INSYN2B: variants seen among roughly 807,000 people sequenced by gnomAD.
INSYN2B encodes protein INSYN2B.
Under a neutral mutation model 41.2 loss-of-function variants are expected in INSYN2B, and 16 were observed. The observed-to-expected ratio is 0.39, with a 90% CI of 0.26 to 0.59. The LOEUF (loss-of-function observed/expected upper bound fraction) is 0.59. INSYN2B is among the 20% of genes least tolerant of loss of function. The pLI is 0.57. For missense variants in INSYN2B, 608 were observed against 646.4 expected (o/e 0.94, Z 0.64); for synonymous variants, 245 against 244.4 (o/e 1.00, Z -0.02).
At chr5:169,970,961 G>A (rs1329484469) in intron 1 of INSYN2B, among the ~76,000 whole-genome samples, 1 of 152,092 alleles carries the variant, frequency 6.6e-6, no homozygotes, top group African/African-American at 2.4e-5. Flanking sequence ...CAGTCAGGGA[G>A]CCATCCTCTC....
At chr5:169,876,049 C>T (rs1472868576) in intron 3 of INSYN2B, among the ~76,000 whole-genome samples, 3 of 152,178 alleles carry the variant, frequency 2.0e-5, no homozygotes, top group Admixed American at 2.0e-4. Context: ...GAAAACATCC[C>T]TTGCCTTCTC....
chr5:169,910,622 G>T (rs941956624), intron 1 of INSYN2B, among the ~76,000 whole-genome samples: 7 of 152,290 alleles, frequency 4.6e-5, no homozygotes, highest in South Asian at 2.1e-4. Context: ...GATATGTCAT[G>T]TTCACAGCAG....
intron 1 of INSYN2B, among the ~76,000 whole-genome samples, chr5:169,963,710 T>C (rs1408673092): frequency 6.6e-6 from 1 of 152,148 alleles, no homozygotes; most frequent in African/African-American, 2.4e-5. Flanking sequence ...CCTCAGTTTC[T>C]GCCTCTTCCT....
intron 1 of INSYN2B, among the ~76,000 whole-genome samples, chr5:169,961,747 G>A (rs548936663): frequency 6.6e-6 from 1 of 152,222 alleles, no homozygotes; most frequent in African/African-American, 2.4e-5. Context: ...GGAGGCCGAG[G>A]TGGGCAGATT....
Position 169,883,426 on chromosome 5 carries a change from T to G in INSYN2B, c.473A>C (p.Glu158Ala). Reference sequence around the variant, plus strand: ...CACCTTGACCCTTCGAGGCCCATCCTCAAGATGCTGAGCCAACCTTAAGTA... The same window carrying G: ...CACCTTGACCCTTCGAGGCCCATCCGCAAGATGCTGAGCCAACCTTAAGTA... ...LAYLRLAQHL[E>A]DGPRRVKVSH... The change falls in exon 2 of 4, where the codon GAG becomes GCG. Residue 158 changes from glutamate (E) to alanine (A), a missense_variant. Physicochemically the swap from Glu to Ala is moderately radical, Grantham distance 107. Coordinates refer to ENST00000377365, the MANE Select transcript of INSYN2B (RefSeq NM_001129891.3). 6.4e-7 allele frequency: 1 copy of G among 1,551,724 alleles called. No homozygotes were observed. Among genetic ancestry groups the G allele is most frequent in the African/African-American group, 1.4e-5 (1 of 73,178 alleles).
At chr5:169,912,978 G>A (rs1774691268) in intron 1 of INSYN2B, among the ~76,000 whole-genome samples, 1 of 152,086 alleles carries the variant, frequency 6.6e-6, no homozygotes, top group South Asian at 2.1e-4. Flanking sequence ...ATTTTGTATA[G>A]AATTTTCAAA....
chr5:169,882,519 A>T, intron 2 of INSYN2B, 34 bp downstream of exon 2: 1 of 1,502,642 alleles, frequency 6.7e-7, no homozygotes, highest in Non-Finnish European at 8.9e-7. Flanking sequence ...GACTTCACCC[A>T]GTCATTTTTA....
intron 1 of INSYN2B, among the ~76,000 whole-genome samples, chr5:169,903,872 G>T (rs1018049231): frequency 1.3e-5 from 2 of 152,016 alleles, no homozygotes; most frequent in African/African-American, 4.8e-5. Flanking sequence ...GGCCGAGGCA[G>T]GTGAATCACC....
rs1772787074 is a variant in INSYN2B at position 169,883,460 on chromosome 5, C to G, written c.439G>C (p.Asp147His). 2 of 1,551,660 alleles carry G rather than the reference C, an allele frequency of 1.3e-6. No homozygotes were observed. Among genetic ancestry groups the G allele is most frequent in the East Asian group, 2.4e-5 (1 of 40,924 alleles). ...NLSEQDIVSS[D>H]LAYLRLAQHL... Reference sequence around the variant, plus strand: ...TGAGCCAACCTTAAGTAGGCAAGGTCAGAAGACACAATGTCCTGTTCAGAG... The same window carrying G: ...TGAGCCAACCTTAAGTAGGCAAGGTGAGAAGACACAATGTCCTGTTCAGAG... The change falls in exon 2 of 4, where the codon GAC (aspartate) becomes CAC (histidine). Residue 147 changes from aspartate (D) to histidine (H), a missense_variant. Coordinates refer to ENST00000377365, the MANE Select transcript of INSYN2B (RefSeq NM_001129891.3).
intron 1 of INSYN2B, among the ~76,000 whole-genome samples, chr5:169,975,067 G>C (rs557948727): frequency 6.6e-6 from 1 of 152,260 alleles, no homozygotes; most frequent in East Asian, 1.9e-4. Flanking sequence ...TGGACTCAAA[G>C]ATAAGTGGAA....
intron 1 of INSYN2B, among the ~76,000 whole-genome samples, chr5:169,961,804 C>G (rs988159855): frequency 2.6e-5 from 4 of 151,596 alleles, no homozygotes; most frequent in African/African-American, 9.7e-5. Context: ...ATGGTGAAAC[C>G]CCATCTCTAC....
intron 3 of INSYN2B, among the ~76,000 whole-genome samples, chr5:169,870,670 G>A (rs1198143180): frequency 1.3e-5 from 2 of 151,948 alleles, no homozygotes; most frequent in Non-Finnish European, 2.9e-5. Flanking sequence ...TGTTACACAT[G>A]TAAACATGTG....
Position 169,865,520 on chromosome 5 carries a change from G to A in INSYN2B, c.1422-1061C>T, listed in dbSNP as rs143895551. 7.9e-3 allele frequency among the ~76,000 whole-genome samples: 1,199 copies of A among 152,316 alleles called. 8 individuals carry two copies. Among genetic ancestry groups the A allele is most frequent in the Middle Eastern group, 0.017 (5 of 294 alleles). ...TTAGACATCCCTGTGGGCTGAGCACGGGTTCCCTCTGTCCTTAATTGTCTT... is the reference window on the plus strand; with the variant it reads ...TTAGACATCCCTGTGGGCTGAGCACAGGTTCCCTCTGTCCTTAATTGTCTT... On this transcript the variant is annotated intron_variant, in intron 3 of 3. Coordinates refer to ENST00000377365, the MANE Select transcript of INSYN2B (RefSeq NM_001129891.3).
chr5:169,971,733 A>G (rs1777516081), intron 1 of INSYN2B, among the ~76,000 whole-genome samples: 1 of 152,260 alleles, frequency 6.6e-6, no homozygotes, highest in Admixed American at 6.5e-5. Flanking sequence ...AAGGCAACAC[A>G]GTAGGCAGGT....
intron 1 of INSYN2B, among the ~76,000 whole-genome samples, 178 bp downstream of exon 1, chr5:169,980,099 G>T (rs535929247): frequency 6.6e-6 from 1 of 152,236 alleles, no homozygotes; most frequent in East Asian, 1.9e-4. Flanking sequence ...GGGGCAGCCT[G>T]CAGTTCTGAC....
chr5:169,930,822 C>T (rs1775717285), intron 1 of INSYN2B, among the ~76,000 whole-genome samples: 2 of 152,176 alleles, frequency 1.3e-5, no homozygotes, highest in South Asian at 4.1e-4. Flanking sequence ...TTTTCTTATG[C>T]TTTCAGCTCT....
At chr5:169,950,421 C>G (rs1776613188) in intron 1 of INSYN2B, among the ~76,000 whole-genome samples, 1 of 152,198 alleles carries the variant, frequency 6.6e-6, no homozygotes, top group Admixed American at 6.5e-5. Flanking sequence ...TTTGGACTTT[C>G]AAACAACAGA....
At chr5:169,972,445 T>C (rs1777537608) in intron 1 of INSYN2B, among the ~76,000 whole-genome samples, 1 of 151,530 alleles carries the variant, frequency 6.6e-6, no homozygotes, top group Admixed American at 6.6e-5. Flanking sequence ...CCAATAGATG[T>C]CAGTAGCAAC....
intron 1 of INSYN2B, among the ~76,000 whole-genome samples, chr5:169,962,574 T>C (rs1252166553): frequency 6.6e-6 from 1 of 152,150 alleles, no homozygotes; most frequent in Admixed American, 6.5e-5. Context: ...TCTGCAAATA[T>C]GTGCTGAAAG....
Sources: allele counts gnomAD v4.1 joint callset (sites outside exome capture counted in the v4.1 genomes callset), GRCh38; gene constraint gnomAD v4.1.1; transcripts MANE v1.5; gene names NCBI Gene and HGNC (gene_info 2026-07-23, HGNC 2026-07-21).